The following CRACD variants were observed in gnomAD, a reference collection of about 807,000 sequenced individuals.
The protein encoded by CRACD is capping protein-inhibiting regulator of actin dynamics.
Under a neutral mutation model 106.8 loss-of-function variants are expected in CRACD, and 56 were observed. The observed-to-expected ratio is 0.52, with a 90% confidence interval of 0.42 to 0.66. CRACD has a LOEUF of 0.66. CRACD is among the 30% of genes least tolerant of loss of function. CRACD has a pLI of 0.00. For missense variants in CRACD, 1,730 were observed against 1,623.2 expected (o/e 1.07, Z -1.13); for synonymous variants, 754 against 670.8 (o/e 1.12, Z -1.92).
At chr4:56,238,698 C>T (rs1216021166) in intron 2 of CRACD, among the ~76,000 whole-genome samples, 1 of 152,152 alleles carries the variant, frequency 6.6e-6, no homozygotes, top group Non-Finnish European at 1.5e-5. Flanking sequence ...ATAATTCTTC[C>T]TGAAACTGCT....
chr4:56,115,078 G>A (rs1734235670), intron 1 of CRACD, among the ~76,000 whole-genome samples: 1 of 152,080 alleles, frequency 6.6e-6, no homozygotes, highest in Non-Finnish European at 1.5e-5. Context: ...AATTCCAATG[G>A]GTATAGGAAA....
chr4:56,307,729 G>A, intron 5 of CRACD, 30 bp downstream of exon 5: 6 of 1,611,958 alleles, frequency 3.7e-6, no homozygotes, highest in Non-Finnish European at 5.1e-6. Context: ...TGACTTGATG[G>A]CTCATAAACC....
chr4:56,072,933 A>G (rs1732713893), intron 1 of CRACD, among the ~76,000 whole-genome samples: 1 of 152,174 alleles, frequency 6.6e-6, no homozygotes, highest in South Asian at 2.1e-4. Context: ...AAGGACATGA[A>G]CGCATTCTTT....
intron 2 of CRACD, among the ~76,000 whole-genome samples, chr4:56,269,674 T>C (rs984628585): frequency 6.6e-6 from 1 of 150,850 alleles, no homozygotes; most frequent in South Asian, 2.1e-4. Context: ...TGAGTGATTC[T>C]CCTGCCTCAG....
chr4:56,314,309 C>G lies in CRACD; in HGVS notation c.807C>G (p.Leu269=). 2 of 1,552,746 alleles carry G rather than the reference C, an allele frequency of 1.3e-6. No homozygotes were observed. Among genetic ancestry groups the G allele is most frequent in the Non-Finnish European group, 1.7e-6 (2 of 1,147,790 alleles). ...GGGAAGAGAACAGAAGGCAGGAGCTCTTGGAGGAGGAGGGCGAGGGGCAGG... is the reference window on the plus strand; with the variant it reads ...GGGAAGAGAACAGAAGGCAGGAGCTGTTGGAGGAGGAGGGCGAGGGGCAGG... ...RLWEENRRQE[L]LEEEGEGQEP... Residue 269 remains leucine (L), a synonymous_variant, in exon 8 of 11, where the codon CTC becomes CTG. Transcript: ENST00000682029. The surrounding 1 kb of genome is among the most constrained non-coding windows in gnomAD (Gnocchi z 4.4).
At position 56,049,164 on chromosome 4, in the gene CRACD, G is replaced by T. The variant is rs1731776490; in HGVS notation, c.-471G>T. 2 of 149,564 alleles carry T rather than the reference G, an allele frequency of 1.3e-5. No homozygotes were observed. The highest frequency in any genetic ancestry group is 1.9e-4 in the East Asian group (1 of 5,162). The allele number at this position is 149,564 out of a possible 1,614,324, so 9.3% of individuals were successfully genotyped here. On this transcript the variant is annotated 5_prime_UTR_variant, in exon 1 of 11. Transcript: ENST00000682029. ...CCACGGCCGACTGAGAGGCGGGTGC[G>T]CTGCTGGTGCTGCTGCCGCGGCGGC...
intron 1 of CRACD, among the ~76,000 whole-genome samples, chr4:56,166,722 G>A (rs1038114): frequency 0.34 from 50,847 of 147,514 alleles, 8,812 homozygotes; most frequent in Admixed American, 0.38. Context: ...ACAGGCAATT[G>A]CAATGATAGT....
At chr4:56,155,896 C>A (rs1735748322) in intron 1 of CRACD, among the ~76,000 whole-genome samples, 2 of 152,160 alleles carry the variant, frequency 1.3e-5, no homozygotes, top group African/African-American at 4.8e-5. Flanking sequence ...TCTTTTCATT[C>A]AAATTTGCCT....
rs1560511333 is a variant in CRACD, at chr4:56,270,968, G to A, written c.-188-1353G>A. The stretch of plus-strand genomic sequence containing the variant: ...CACACACACAAAGTTAGCCAGGCGT[G>A]GTGGCAGGCGCCTGTGATCCCAGCT... On this transcript the variant is annotated intron_variant, in intron 2 of 10. Transcript: ENST00000682029. 2.6e-5 allele frequency among the ~76,000 whole-genome samples: 4 copies of A among 151,780 alleles called. 1 individual carries two copies. The South Asian group carries it at 8.4e-4, about 32-fold the overall frequency.
rs554999031 is a variant in CRACD at position 56,238,082 on chromosome 4, C to G, written c.-188-34239C>G. On this transcript the variant is annotated intron_variant, in intron 2 of 10. Coordinates refer to ENST00000682029, the MANE Select transcript of CRACD (RefSeq NM_001393381.1). ...TAGTTACCCAGTGCTACATAACAAA[C>G]TGTTCCAAAACTGAGTACTTAAAAC... 1.4e-3 allele frequency among the ~76,000 whole-genome samples: 208 copies of G among 152,254 alleles called. 1 individual carries two copies. The highest frequency in any genetic ancestry group is 4.2e-3 in the African/African-American group (176 of 41,550).
At position 56,328,287 on chromosome 4, in the gene CRACD, A is replaced by G; in HGVS notation, c.*483A>G. ...AGGATCATATCTAGCTAAAAGCAAG[A>G]ACACCCATTCTCCTGAATGCAGTGA... is the stretch of plus-strand genomic sequence containing the variant. On this transcript the variant is annotated 3_prime_UTR_variant, in exon 11 of 11. Coordinates refer to ENST00000682029, the MANE Select transcript of CRACD (RefSeq NM_001393381.1). The G allele has an allele frequency of 1.9e-6, 1 of 517,716 alleles. No individual in the cohort carries two copies. Among genetic ancestry groups the G allele is most frequent in the Non-Finnish European group, 3.9e-6 (1 of 259,308 alleles). The allele number at this position is 517,716 out of a possible 1,614,324, so 32.1% of individuals were successfully genotyped here.
chr4:56,137,555 C>T (rs1735048152), intron 1 of CRACD, among the ~76,000 whole-genome samples: 1 of 152,192 alleles, frequency 6.6e-6, no homozygotes, highest in Admixed American at 6.5e-5. Context: ...TGCCTAAAAA[C>T]ATTGCTTCAG....
intron 3 of CRACD, among the ~76,000 whole-genome samples, chr4:56,296,860 C>A: frequency 6.6e-6 from 1 of 152,002 alleles, no homozygotes; most frequent in Non-Finnish European, 1.5e-5. Context: ...TGCTTCCTTA[C>A]TGCTATCTTA....
intron 1 of CRACD, among the ~76,000 whole-genome samples, chr4:56,174,344 A>C (rs544068280): frequency 4.6e-5 from 7 of 152,296 alleles, no homozygotes; most frequent in African/African-American, 1.7e-4. Context: ...TATATACAAT[A>C]AATATTGTTA....
At chr4:56,202,538 C>T (rs1002887232) in intron 2 of CRACD, among the ~76,000 whole-genome samples, 10 of 152,162 alleles carry the variant, frequency 6.6e-5, no homozygotes, top group African/African-American at 9.7e-5. Context: ...TGAGCCACCG[C>T]GCCCAGCATC....
At chr4:56,296,220 C>T (rs1744021816) in intron 3 of CRACD, among the ~76,000 whole-genome samples, 2 of 152,092 alleles carry the variant, frequency 1.3e-5, no homozygotes, top group Non-Finnish European at 2.9e-5. Context: ...TCTCACTCTA[C>T]TCCTTCAATT....
chr4:56,250,967 A>T lies in CRACD; in HGVS notation c.-188-21354A>T, dbSNP rs1321199733. On this transcript the variant is annotated intron_variant, in intron 2 of 10. Transcript: ENST00000682029. ...ATCTAAAGATTCCTTGAATCCATTC[A>T]TGTCTTTATCCTACACAGCTGCTGG... Among the ~76,000 whole-genome samples the T allele has an allele frequency of 2.6e-5, 4 of 152,190 alleles. No homozygotes were observed. The East Asian group carries it at 7.7e-4, about 29-fold the overall frequency.
chr4:56,118,441 G>A (rs909923263), intron 1 of CRACD, among the ~76,000 whole-genome samples: 1 of 152,174 alleles, frequency 6.6e-6, no homozygotes, highest in East Asian at 1.9e-4. Flanking sequence ...GACATACTGC[G>A]AACTACATAC....
chr4:56,264,111 G>A (rs1229595511), intron 2 of CRACD, among the ~76,000 whole-genome samples: 1 of 152,068 alleles, frequency 6.6e-6, no homozygotes, highest in Non-Finnish European at 1.5e-5. Flanking sequence ...GAGAGCGAAG[G>A]GGAAAATGCT....
Sources: gnomAD v4.1 joint callset for allele counts (sites outside exome capture counted in the v4.1 genomes callset) on GRCh38, gnomAD v4.1.1 for gene constraint, Gnocchi (gnomAD v3.1) non-coding constraint, MANE v1.5 for transcripts, NCBI Gene and HGNC (gene_info 2026-07-23, HGNC 2026-07-21) for gene names.